Variants in RBM46 observed in about 807,000 individuals in gnomAD.
RBM46 encodes RNA binding motif protein 46, also known as probable RNA-binding protein 46.
RBM46 carries 12 observed loss-of-function variants against 43.3 expected under a neutral mutation model. The observed-to-expected ratio is 0.28, with a 90% CI of 0.18 to 0.45. The LOEUF (loss-of-function observed/expected upper bound fraction) is 0.45. Among genes scored for constraint, RBM46 ranks in the 20% least tolerant of loss-of-function variants. RBM46 has a pLI of 1.00. For synonymous variants in RBM46, 205 were observed against 207.6 expected (o/e 0.99, Z 0.11); for missense variants, 412 against 639.1 (o/e 0.64, Z 3.83).
At chr4:154,812,536 AGTTT>A (rs1457384061) in intron 4 of RBM46, among the ~76,000 whole-genome samples, 1 of 152,094 alleles carries the variant, frequency 6.6e-6, no homozygotes, top group Non-Finnish European at 1.5e-5. Context: ...AAACAGGCAA[AGTTT>A]GTTTGTATCT....
chr4:154,786,296 C>T (rs1259576204), intron 1 of RBM46, among the ~76,000 whole-genome samples: 5 of 151,976 alleles, frequency 3.3e-5, no homozygotes, highest in Non-Finnish European at 5.9e-5. Context: ...ACCATGTTTG[C>T]CAGACTGGTC....
intron 4 of RBM46, among the ~76,000 whole-genome samples, chr4:154,817,535 T>C (rs895043258): frequency 3.9e-5 from 6 of 152,050 alleles, no homozygotes; most frequent in Non-Finnish European, 8.8e-5. Context: ...TTTCATCATG[T>C]TGGCCAGGCT....
intron 4 of RBM46, chr4:154,827,246 TA>T: frequency 1.1e-6 from 1 of 923,744 alleles, no homozygotes; most frequent in Non-Finnish European, 1.3e-6. Flanking sequence ...GAAGTAACTA[TA>T]AGTTGATAAT....
chr4:154,810,167 T>G (rs946209823), intron 4 of RBM46, among the ~76,000 whole-genome samples: 1 of 152,072 alleles, frequency 6.6e-6, no homozygotes, highest in African/African-American at 2.4e-5. Flanking sequence ...ATTATTAAAT[T>G]GGGAAAAAAT....
Sources: allele counts gnomAD v4.1 joint callset (sites outside exome capture counted in the v4.1 genomes callset), GRCh38; gene constraint gnomAD v4.1.1; transcripts MANE v1.5; gene names NCBI Gene and HGNC (gene_info 2026-07-23, HGNC 2026-07-21).